The following DHTKD1 variants were observed in gnomAD, a reference collection of about 807,000 sequenced individuals.
DHTKD1 encodes dehydrogenase E1 and transketolase domain containing 1.
Under a neutral mutation model 101.8 loss-of-function variants are expected in DHTKD1, and 78 were observed. The ratio of observed to expected loss-of-function variants is 0.77; its 90% CI spans 0.64 to 0.93. The LOEUF is 0.93. Ranked by LOEUF, DHTKD1 falls within the 40% of genes least tolerant of loss-of-function variation. The pLI, the probability that DHTKD1 is intolerant of heterozygous loss-of-function variation, is 0.00. For synonymous variants in DHTKD1, 462 were observed against 450.3 expected (o/e 1.03, Z -0.33); for missense variants, 1,223 against 1,161.7 (o/e 1.05, Z -0.77).
At chr10:12,119,433 G>A (rs1330195118) in intron 15 of DHTKD1, among the ~76,000 whole-genome samples, 2 of 151,078 alleles carry the variant, frequency 1.3e-5, no homozygotes, top group Admixed American at 1.3e-4. Context: ...GGCTAACACA[G>A]TGAAACCCCG....
intron 1 of DHTKD1, among the ~76,000 whole-genome samples, chr10:12,069,684 C>CTTTT (rs11292752): frequency 0.02 from 511 of 25,434 alleles, 69 homozygotes; most frequent in East Asian, 0.037. Context: ...CCACGCCCAG[C>CTTTT]TTTTTTTTTT....
chr10:12,096,725 T>C (rs1833076278), intron 7 of DHTKD1, among the ~76,000 whole-genome samples: 1 of 152,238 alleles, frequency 6.6e-6, no homozygotes, highest in Non-Finnish European at 1.5e-5. Flanking sequence ...TATATGTGAA[T>C]AGACTTTATA....
At chr10:12,098,824 C>T (rs536852888) in intron 8 of DHTKD1, among the ~76,000 whole-genome samples, 2 of 152,184 alleles carry the variant, frequency 1.3e-5, no homozygotes, top group Non-Finnish European at 2.9e-5. Flanking sequence ...TTTGGCCTCC[C>T]AAAGTGCTGG....
chr10:12,098,438 C>T (rs570233875), intron 8 of DHTKD1, among the ~76,000 whole-genome samples: 1 of 152,320 alleles, frequency 6.6e-6, no homozygotes, highest in East Asian at 1.9e-4. Context: ...ACAAACCACC[C>T]TGGTGGACCT....
At chr10:12,075,276 T>C (rs1832708343) in intron 1 of DHTKD1, among the ~76,000 whole-genome samples, 1 of 152,128 alleles carries the variant, frequency 6.6e-6, no homozygotes, top group Non-Finnish European at 1.5e-5. Context: ...GCCTTCTGGG[T>C]GCAAGTGATT....
rs896440710 is a variant in DHTKD1, at chr10:12,087,220, G to T, written c.523-315G>T. Among the ~76,000 whole-genome samples the T allele has an allele frequency of 6.6e-6, 1 of 152,096 alleles. No individual in the cohort carries two copies. Among genetic ancestry groups the T allele is most frequent in the African/African-American group, 2.4e-5 (1 of 41,412 alleles). On this transcript the variant is annotated intron_variant, in intron 3 of 16. Coordinates refer to ENST00000263035, the MANE Select transcript of DHTKD1 (RefSeq NM_018706.7). This position sits in a 1 kb window ranked among gnomAD's most constrained non-coding sequence, Gnocchi z 5.2. ...CGTAGAGCCCCGTGTGAAAACTGGG[G>T]TACTGGGAAGAGGCAGCAGAAATCT...
rs199628763 is a variant in DHTKD1, at chr10:12,094,255, A to G, written c.1342A>G (p.Met448Val). The G allele has an allele frequency of 1.2e-5, 19 of 1,614,150 alleles. No individual in the cohort carries two copies. The highest frequency in any genetic ancestry group is 1.6e-5 in the Non-Finnish European group (19 of 1,179,998). Reference protein sequence around the residue: ...LDEPFYTNPIMYKIIRARKSI... With the variant: ...LDEPFYTNPIVYKIIRARKSI... ...TGAGCCATTCTACACCAACCCCATCATGTACAAAATCATCAGGTACAATTA... is the reference window on the plus strand; with the variant it reads ...TGAGCCATTCTACACCAACCCCATCGTGTACAAAATCATCAGGTACAATTA... The change falls in exon 7 of 17, where the codon ATG (methionine) becomes GTG (valine). Residue 448 changes from methionine to valine, a missense_variant. Met to Val is a conservative substitution (Grantham distance 21). Coordinates refer to ENST00000263035, the MANE Select transcript of DHTKD1 (RefSeq NM_018706.7).
chr10:12,116,764 A>G (rs1328832152), intron 13 of DHTKD1, among the ~76,000 whole-genome samples: 3 of 145,682 alleles, frequency 2.1e-5, no homozygotes, highest in Non-Finnish European at 4.5e-5. Flanking sequence ...TGGCATGATC[A>G]TGGCTCATTG....
intron 6 of DHTKD1, among the ~76,000 whole-genome samples, chr10:12,092,395 A>G (rs1833004948): frequency 6.6e-6 from 1 of 152,190 alleles, no homozygotes; most frequent in Non-Finnish European, 1.5e-5. Context: ...AGATCAACAC[A>G]ATGAGTACAA....
At chr10:12,077,920 G>A (rs1327597837) in intron 1 of DHTKD1, among the ~76,000 whole-genome samples, 11 of 152,102 alleles carry the variant, frequency 7.2e-5, no homozygotes, top group Non-Finnish European at 1.5e-5. Context: ...GGTGGAAGAA[G>A]AAACCTGCCC....
intron 2 of DHTKD1, among the ~76,000 whole-genome samples, chr10:12,083,834 A>G (rs754488765): frequency 1.3e-5 from 2 of 152,190 alleles, no homozygotes; most frequent in Non-Finnish European, 2.9e-5. Context: ...TCCCCCTTCT[A>G]GTTTTACTGC....
intron 12 of DHTKD1, among the ~76,000 whole-genome samples, chr10:12,109,223 G>A (rs528885861): frequency 3.3e-5 from 5 of 152,058 alleles, no homozygotes; most frequent in African/African-American, 7.2e-5. Context: ...CATGCATATC[G>A]TTAATGATTT....
intron 1 of DHTKD1, among the ~76,000 whole-genome samples, chr10:12,075,462 G>A (rs529254390): frequency 1.7e-3 from 261 of 152,144 alleles, no homozygotes; most frequent in Non-Finnish European, 3.1e-3. Flanking sequence ...GGATGGTCTC[G>A]ATCTCCTGAC....
At chr10:12,119,533 G>T (rs1474543459) in intron 15 of DHTKD1, among the ~76,000 whole-genome samples, 5 of 146,156 alleles carry the variant, frequency 3.4e-5, no homozygotes, top group Admixed American at 2.7e-4. Context: ...GGAGAATGGC[G>T]TGAACCCGGG....
Position 12,101,165 on chromosome 10 carries a change from A to C in DHTKD1, c.1880A>C (p.Gln627Pro). Reference protein sequence around the residue: ...YIPLNHMDPNQKGFLEVSNSP... With the variant: ...YIPLNHMDPNPKGFLEVSNSP... ...CCCCTGAACCATATGGACCCAAATC[A>C]GAAGGGGTTTCTAGAGGTGAGATGT... is the stretch of plus-strand genomic sequence containing the variant. Residue 627 changes from glutamine (Q) to proline (P), a missense_variant, in exon 10 of 17, where the codon CAG (glutamine) becomes CCG (proline). By Grantham distance (76) the Gln-to-Pro change is moderately conservative (BLOSUM62 -1). Coordinates refer to ENST00000263035, the MANE Select transcript of DHTKD1 (RefSeq NM_018706.7). 1.9e-6 allele frequency: 3 copies of C among 1,613,642 alleles called. No homozygotes were observed. The highest frequency in any genetic ancestry group is 2.5e-6 in the Non-Finnish European group (3 of 1,179,872).
intron 10 of DHTKD1, among the ~76,000 whole-genome samples, chr10:12,105,846 G>A (rs944265723): frequency 6.6e-6 from 1 of 152,124 alleles, no homozygotes; most frequent in Non-Finnish European, 1.5e-5. Context: ...TGTAACCCCA[G>A]CACTTTGGGG....
At chr10:12,073,863 CTT>C (rs1360583063) in intron 1 of DHTKD1, among the ~76,000 whole-genome samples, 1 of 152,196 alleles carries the variant, frequency 6.6e-6, no homozygotes, top group Admixed American at 6.6e-5. Flanking sequence ...AAGCATGACT[CTT>C]GATCTCAGGA....
intron 13 of DHTKD1, among the ~76,000 whole-genome samples, chr10:12,117,301 C>A (rs1320693008): frequency 2.4e-5 from 3 of 127,092 alleles, no homozygotes; most frequent in Non-Finnish European, 5.0e-5. Context: ...TGAGCCACGG[C>A]ACCTTTTTTT....
Position 12,100,287 on chromosome 10 carries a change from G to GTTTTTTTTTTTTGTTTTTTTTTTTTT in DHTKD1, c.1756+37_1756+38insGTTTTTTTTTTTTTTTTTTTTTTTTT, listed in dbSNP as rs1554793010. On this transcript the variant is annotated intron_variant, in intron 9 of 16. Coordinates refer to ENST00000263035, the MANE Select transcript of DHTKD1 (RefSeq NM_018706.7). ...GGTAAGAATTTTCTTTTTTTTTTCT[G>GTTTTTTTTTTTTGTTTTTTTTTTTTT]TTTTTTTTTTTTTTGAGTCTCACCC... is the stretch of plus-strand genomic sequence containing the variant. 2.4e-4 allele frequency: 66 copies of GTTTTTTTTTTTTGTTTTTTTTTTTTT among 272,080 alleles called. 1 individual carries two copies. Among genetic ancestry groups the GTTTTTTTTTTTTGTTTTTTTTTTTTT allele is most frequent in the Admixed American group, 5.3e-4 (7 of 13,308 alleles). 16.9% of individuals were successfully genotyped at this position (272,080 alleles called of 1,614,324 possible).
Sources: gnomAD v4.1 joint callset for allele counts (sites outside exome capture counted in the v4.1 genomes callset) on GRCh38, gnomAD v4.1.1 for gene constraint, Gnocchi (gnomAD v3.1) non-coding constraint, MANE v1.5 for transcripts, NCBI Gene and HGNC (gene_info 2026-07-23, HGNC 2026-07-21) for gene names.